Variants in PLA2G2A observed in about 807,000 individuals in gnomAD.
The protein encoded by PLA2G2A is phospholipase A2 group IIA, also known as phospholipase A2, membrane associated.
In PLA2G2A, 6 loss-of-function variants were observed where a neutral mutation model predicts 11.2. The observed-to-expected ratio is 0.54, with a 90% confidence interval of 0.29 to 1.06. The LOEUF is 1.06. Among genes scored for constraint, PLA2G2A ranks in the 50% least tolerant of loss-of-function variants. PLA2G2A has a pLI of 0.08. For missense variants in PLA2G2A, 133 were observed against 177.1 expected, an observed-to-expected ratio of 0.75 and a Z score of 1.41; for synonymous variants, 69 against 65.8, an observed-to-expected ratio of 1.05 and a Z score of -0.23.
intron 1 of PLA2G2A, 56 bp from the exon 2 acceptor site, chr1:19,978,935 G>A: frequency 1.5e-6 from 1 of 685,022 alleles, no homozygotes. Flanking sequence ...GACTTCCTCT[G>A]TCACACTCAG....
chr1:19,975,767 C>A (rs779758986), exon 5 of PLA2G2A: 8 of 1,613,316 alleles, frequency 5.0e-6, no homozygotes, highest in Non-Finnish European at 5.9e-6. Context: ...TATTGTAGGT[C>A]GTCTTGTTTC....
At chr1:19,975,798 G>A (rs1379795140) in exon 5 of PLA2G2A, 1 of 1,613,668 alleles carries the variant, frequency 6.2e-7, no homozygotes, top group Non-Finnish European at 8.5e-7. Context: ...GGTGGCAGCA[G>A]CCTTATCACA....
In PLA2G2A at chr1:19,978,206, C is replaced by G. The variant is rs2046248167; in HGVS notation, c.186-85G>C. ...TGGTCTCACCCCCTTGGACCCTGGG[C>G]AGAGACCCAGTGACTTTGCAACAGT... On this transcript the variant is annotated intron_variant, in intron 3 of 4. Coordinates refer to ENST00000482011, the Ensembl canonical transcript of PLA2G2A. 18 of 1,338,184 alleles carry G rather than the reference C, an allele frequency of 1.3e-5. 1 individual carries two copies. In the South Asian group the frequency reaches 2.1e-4, roughly 16 times the overall value. 82.9% of individuals were successfully genotyped at this position (1,338,184 alleles called of 1,614,324 possible).
exon 5 of PLA2G2A, chr1:19,975,762 T>C (rs1425857451): frequency 1.2e-6 from 2 of 1,613,522 alleles, no homozygotes; most frequent in Admixed American, 1.7e-5. Context: ...CTTTTTATTG[T>C]AGGTCGTCTT....
chr1:19,979,396 T>A (rs1016404494), intron 1 of PLA2G2A, among the ~76,000 whole-genome samples, 184 bp downstream of exon 1: 1 of 152,110 alleles, frequency 6.6e-6, no homozygotes, highest in Non-Finnish European at 1.5e-5. Flanking sequence ...CTCTCGTACT[T>A]ACCTGATAGT....
intron 2 of PLA2G2A, 31 bp from the exon 3 acceptor site, chr1:19,978,555 T>C: frequency 1.2e-6 from 2 of 1,612,878 alleles, no homozygotes; most frequent in Non-Finnish European, 8.5e-7. Flanking sequence ...TGTCTGGTGA[T>C]GGGGCATGGG....
chr1:19,978,975 A>ACACACG, intron 1 of PLA2G2A, 96 bp from the exon 2 acceptor site: 1 of 32,198 alleles, frequency 3.1e-5, no homozygotes, highest in South Asian at 2.6e-4. Flanking sequence ...CCAGCAATGC[A>ACACACG]CACACACACA....
upstream of PLA2G2A, among the ~76,000 whole-genome samples, chr1:19,980,012 C>T (rs912815753): frequency 2.6e-5 from 4 of 152,178 alleles, no homozygotes; most frequent in African/African-American, 9.7e-5. Context: ...AAGGATTGCT[C>T]CCTTCTGCTC....
chr1:19,978,019 G>A (rs1024088929), exon 4 of PLA2G2A: 5 of 1,590,776 alleles, frequency 3.1e-6, no homozygotes, highest in Non-Finnish European at 3.5e-6. Context: ...TCTTACCACA[G>A]GTGATTCTGC....
At chr1:19,976,713 C>A in intron 4 of PLA2G2A, among the ~76,000 whole-genome samples, 1 of 152,224 alleles carries the variant, frequency 6.6e-6, no homozygotes. Flanking sequence ...CCAAGCAAAG[C>A]CTTCCAGTGC....
downstream of PLA2G2A, chr1:19,975,658 G>A (rs1300116619): frequency 6.3e-7 from 1 of 1,591,590 alleles, no homozygotes; most frequent in East Asian, 2.2e-5. Flanking sequence ...TATGAGAGAG[G>A]GAAATTCAGC....
At chr1:19,976,916 T>C (rs1362762751) in intron 4 of PLA2G2A, among the ~76,000 whole-genome samples, 1 of 152,238 alleles carries the variant, frequency 6.6e-6, no homozygotes, top group Non-Finnish European at 1.5e-5. Flanking sequence ...TTGGCCCTTT[T>C]CATGGAGGAC....
At chr1:19,980,143 C>A (rs2046280417), upstream of PLA2G2A, among the ~76,000 whole-genome samples, 1 of 152,200 alleles carries the variant, frequency 6.6e-6, no homozygotes, top group Non-Finnish European at 1.5e-5. Context: ...CCTGTGCAGG[C>A]CTCACGTGTG....
rs372228289 is a variant in PLA2G2A, at chr1:19,976,982, G to A, written c.292+1033C>T. 2.4e-4 allele frequency among the ~76,000 whole-genome samples: 37 copies of A among 152,104 alleles called. No homozygotes were observed. The South Asian group carries it at 5.8e-3, about 24-fold the overall frequency. On this transcript the variant is annotated intron_variant, in intron 4 of 4. Coordinates refer to ENST00000482011, the Ensembl canonical transcript of PLA2G2A. Reference sequence around the variant, plus strand: ...TCCTTACTGACTCCTTGACCTTCTCGCTCAGTTCCCCTTCTCCCTCTCTGT... The same window carrying A: ...TCCTTACTGACTCCTTGACCTTCTCACTCAGTTCCCCTTCTCCCTCTCTGT...
At chr1:19,978,077 C>A in exon 4 of PLA2G2A, 1 of 1,614,040 alleles carries the variant, frequency 6.2e-7, no homozygotes, top group Non-Finnish European at 8.5e-7. Context: ...GCCACATCCA[C>A]GTTTCTCCAG....
At chr1:19,979,261 T>C (rs941648995) in intron 1 of PLA2G2A, among the ~76,000 whole-genome samples, 1 of 152,160 alleles carries the variant, frequency 6.6e-6, no homozygotes. Flanking sequence ...CCATGGAGGC[T>C]CGGCCTCAGT....
rs200602721 is a variant in PLA2G2A, at chr1:19,975,689, G to A, written c.*12C>T. 259 of 1,612,568 alleles carry A rather than the reference G, an allele frequency of 1.6e-4. 1 individual carries two copies. In the African/African-American group the frequency reaches 3.2e-3, roughly 20 times the overall value. On this transcript the variant is annotated 3_prime_UTR_variant, in exon 5 of 5. Coordinates refer to ENST00000482011, the Ensembl canonical transcript of PLA2G2A. ...TCAGCACTGGGTGGAAGGTTTCCAGGGAAGAGGGGACTCAGCAACGAGGGG... is the reference window on the plus strand; with the variant it reads ...TCAGCACTGGGTGGAAGGTTTCCAGAGAAGAGGGGACTCAGCAACGAGGGG...
At chr1:19,980,241 A>C (rs1397654223), upstream of PLA2G2A, 1 of 151,980 alleles carries the variant, frequency 6.6e-6, no homozygotes. Flanking sequence ...TTCTCTTCTT[A>C]TTCTTCTTTC....
downstream of PLA2G2A, chr1:19,975,627 G>T: frequency 1.4e-6 from 2 of 1,400,322 alleles, no homozygotes; most frequent in Non-Finnish European, 2.0e-6. Context: ...CAAGGAACTT[G>T]GTTAGGGTAG....
Sources: allele counts gnomAD v4.1 joint callset (sites outside exome capture counted in the v4.1 genomes callset), GRCh38; gene constraint gnomAD v4.1.1; transcripts MANE v1.5; gene names NCBI Gene and HGNC (gene_info 2026-07-23, HGNC 2026-07-21).